RTRAF: variants seen among roughly 807,000 people sequenced by gnomAD.
RTRAF encodes the protein RNA transcription, translation and transport factor, also known as tRNA-splicing ligase complex subunit RTRAF.
A neutral mutation model predicts 34.4 loss-of-function variants in RTRAF; 14 were observed. That is an observed-to-expected ratio of 0.41 (90% CI 0.27 to 0.64). The LOEUF (loss-of-function observed/expected upper bound fraction) is 0.64, where lower values mean the gene tolerates loss of function less well. Among genes scored for constraint, RTRAF ranks in the 30% least tolerant of loss-of-function variants. RTRAF has a pLI of 0.34. For missense variants in RTRAF, 291 were observed against 288.4 expected (o/e 1.01, Z -0.06); for synonymous variants, 96 against 95.3 (o/e 1.01, Z -0.04).
chr14:52,007,774 A>G lies in RTRAF; in HGVS notation c.*3258A>G, dbSNP rs1191263251. The G allele has an allele frequency of 4.5e-6, 7 of 1,560,880 alleles. No individual in the cohort carries two copies. Among genetic ancestry groups the G allele is most frequent in the Non-Finnish European group, 6.2e-6 (7 of 1,136,114 alleles). On this transcript the variant is annotated 3_prime_UTR_variant, in exon 8 of 8. Transcript: ENST00000261700. ...GTTAGTGCTCACATTCACTGTGATG[A>G]GAGGTTATCTATTTGCATTCCATCA... is the stretch of plus-strand genomic sequence containing the variant.
chr14:52,010,654 G>A lies in RTRAF; in HGVS notation c.*6138G>A. 2.0e-6 allele frequency: 1 copy of A among 500,012 alleles called. No homozygotes were observed. The highest frequency in any genetic ancestry group is 3.2e-5 in the East Asian group (1 of 31,086). The allele number at this position is 500,012 out of a possible 1,614,324, so 31.0% of individuals were successfully genotyped here. A position where few individuals can be genotyped will look rare whatever the true frequency, so the allele number is the denominator to read the frequency against. On this transcript the variant is annotated 3_prime_UTR_variant, in exon 8 of 8. Coordinates refer to ENST00000261700, the MANE Select transcript of RTRAF (RefSeq NM_016039.3). ...TCACAGACTAATATTGTTTATACCA[G>A]TCTTGTTTCCTCCTAATAAAATATA...
chr14:51,993,173 T>C (rs989537923), intron 2 of RTRAF, among the ~76,000 whole-genome samples: 10 of 152,158 alleles, frequency 6.6e-5, no homozygotes, highest in African/African-American at 2.2e-4. Context: ...GTTGATTTTA[T>C]TATAATCTTA....
chr14:51,991,499 A>G, intron 2 of RTRAF, 58 bp downstream of exon 2: 2 of 1,526,266 alleles, frequency 1.3e-6, no homozygotes, highest in Admixed American at 1.9e-5. Context: ...AATCATGAAG[A>G]TGAGCTTAAA....
chr14:52,006,815 A>G lies in RTRAF; in HGVS notation c.*2299A>G, dbSNP rs572450439. Reference sequence around the variant, plus strand: ...CAACTGTAAAATTACCTGTCCTATTACTAGTCTCCAGTTTTTAGTAGAGAT... The same window carrying G: ...CAACTGTAAAATTACCTGTCCTATTGCTAGTCTCCAGTTTTTAGTAGAGAT... On this transcript the variant is annotated 3_prime_UTR_variant, in exon 8 of 8. Transcript: ENST00000261700. 3.0e-5 allele frequency: 20 copies of G among 667,590 alleles called. No individual in the cohort carries two copies. Among genetic ancestry groups the G allele is most frequent in the Admixed American group, 1.9e-4 (6 of 30,938 alleles). 41.4% of individuals were successfully genotyped at this position (667,590 alleles called of 1,614,324 possible). A position where few individuals can be genotyped will look rare whatever the true frequency, so the allele number is the denominator to read the frequency against.
chr14:52,004,571 T>C lies in RTRAF; in HGVS notation c.*55T>C. On this transcript the variant is annotated 3_prime_UTR_variant, in exon 8 of 8. Coordinates refer to ENST00000261700, the MANE Select transcript of RTRAF (RefSeq NM_016039.3). The stretch of plus-strand genomic sequence containing the variant: ...TTAGTACAGTTGGGAACCATACACT[T>C]CTGGCATGTTTGGAAATCAAAATGT... 1 of 1,493,716 alleles carries C rather than the reference T, an allele frequency of 6.7e-7. No individual in the cohort carries two copies. The highest frequency in any genetic ancestry group is 9.0e-7 in the Non-Finnish European group (1 of 1,112,286). The allele number at this position is 1,493,716 out of a possible 1,614,324, so 92.5% of individuals were successfully genotyped here.
chr14:52,003,594 G>T (rs1347104848), intron 6 of RTRAF, among the ~76,000 whole-genome samples: 3 of 152,116 alleles, frequency 2.0e-5, no homozygotes, highest in Non-Finnish European at 4.4e-5. Flanking sequence ...GTGAAGTTTG[G>T]CATCACCATA....
intron 5 of RTRAF, among the ~76,000 whole-genome samples, chr14:52,001,307 G>A (rs571227650): frequency 3.9e-5 from 6 of 152,158 alleles, no homozygotes; most frequent in East Asian, 3.9e-4. Context: ...AACCACCAAC[G>A]GTGTCCTTTG....
Position 52,004,412 on chromosome 14 carries a change from G to C in RTRAF, c.631G>C (p.Glu211Gln), listed in dbSNP as rs749906794. 25 of 1,613,770 alleles carry C rather than the reference G, an allele frequency of 1.5e-5. No individual in the cohort carries two copies. The highest frequency in any genetic ancestry group is 2.1e-5 in the Non-Finnish European group (25 of 1,179,850). ...AQILRLLHIE[E>Q]LRELQTKINE... ...AATTCTGCGATTGCTGCACATAGAG[G>C]AGCTCAGAGAGCTACAGACAAAAAT... is the stretch of plus-strand genomic sequence containing the variant. The change falls in exon 8 of 8, where the codon GAG becomes CAG. Residue 211 changes from glutamate (E) to glutamine (Q), a missense_variant. By Grantham distance (29) the Glu-to-Gln change is conservative (BLOSUM62 2). Coordinates refer to ENST00000261700, the MANE Select transcript of RTRAF (RefSeq NM_016039.3).
rs1030082332 is a variant in RTRAF at position 52,010,281 on chromosome 14, T to C, written c.*5765T>C. The stretch of plus-strand genomic sequence containing the variant: ...ATTTCGTAGAAACTCCACTTAAACA[T>C]GGCAAGAGTTTCTCAAGATATAAAA... On this transcript the variant is annotated 3_prime_UTR_variant, in exon 8 of 8. Transcript: ENST00000261700. 3.9e-5 allele frequency: 6 copies of C among 152,262 alleles called. No homozygotes were observed. Among genetic ancestry groups the C allele is most frequent in the African/African-American group, 1.2e-4 (5 of 41,474 alleles). 9.4% of individuals were successfully genotyped at this position (152,262 alleles called of 1,614,324 possible). A position where few individuals can be genotyped will look rare whatever the true frequency, so the allele number is the denominator to read the frequency against.
At chr14:51,999,874 G>A in intron 5 of RTRAF, 78 bp downstream of exon 5, 4 of 991,794 alleles carry the variant, frequency 4.0e-6, no homozygotes, top group Non-Finnish European at 6.1e-6. Context: ...ATTAACTATT[G>A]ATATTAAAAT....
chr14:52,004,125 A>G, intron 6 of RTRAF, 69 bp from the exon 7 acceptor site: 14 of 1,350,062 alleles, frequency 1.0e-5, no homozygotes, highest in Non-Finnish European at 1.5e-5. Flanking sequence ...GGTGCTTTTC[A>G]GTTTCAGTTG....
In RTRAF at chr14:52,004,523, G is replaced by C. The variant is rs937219522; in HGVS notation, c.*7G>C. ...GGGAAAAGTTGGAAGATGAACACTT[G>C]AGGACTTCAGCTTCTCACCTACTTA... is the stretch of plus-strand genomic sequence containing the variant. On this transcript the variant is annotated 3_prime_UTR_variant, in exon 8 of 8. Coordinates refer to ENST00000261700, the MANE Select transcript of RTRAF (RefSeq NM_016039.3). 10 of 1,609,310 alleles carry C rather than the reference G, an allele frequency of 6.2e-6. No homozygotes were observed. Among genetic ancestry groups the C allele is most frequent in the African/African-American group, 2.7e-5 (2 of 73,674 alleles).
Position 52,006,885 on chromosome 14 carries a change from A to G in RTRAF, c.*2369A>G. ...TTGGAAGACAGGATTGCATTTACTGAAATCTGGTAAGTTTCTGCCAAAGTA... is the reference window on the plus strand; with the variant it reads ...TTGGAAGACAGGATTGCATTTACTGGAATCTGGTAAGTTTCTGCCAAAGTA... On this transcript the variant is annotated 3_prime_UTR_variant, in exon 8 of 8. Transcript: ENST00000261700. The G allele has an allele frequency of 2.7e-6, 1 of 367,992 alleles. No individual in the cohort carries two copies. 22.8% of individuals were successfully genotyped at this position (367,992 alleles called of 1,614,324 possible).
intron 7 of RTRAF, 43 bp downstream of exon 7, chr14:52,004,285 TG>T: frequency 6.3e-7 from 1 of 1,590,008 alleles, no homozygotes; most frequent in Non-Finnish European, 8.5e-7. Flanking sequence ...TTTTACAGAC[TG>T]AATACTTGGG....
Position 52,009,092 on chromosome 14 carries a change from CT to C in RTRAF, c.*4577del, listed in dbSNP as rs1469828067. 1.3e-5 allele frequency: 2 copies of C among 152,094 alleles called. No individual in the cohort carries two copies. The highest frequency in any genetic ancestry group is 4.8e-5 in the African/African-American group (2 of 41,408). The allele number at this position is 152,094 out of a possible 1,614,324, so 9.4% of individuals were successfully genotyped here. On this transcript the variant is annotated 3_prime_UTR_variant, in exon 8 of 8. Coordinates refer to ENST00000261700, the MANE Select transcript of RTRAF (RefSeq NM_016039.3). ...ATAAATCAGTTGGGCTACAGAGAAC[CT>C]CAGTGAGAGGAGAGGAAGAAACCAT...
chr14:51,993,836 G>C lies in RTRAF; in HGVS notation c.286+14G>C. On this transcript the variant is annotated intron_variant, in intron 3 of 7. Transcript: ENST00000261700. The stretch of plus-strand genomic sequence containing the variant: ...ATGGAGATAATGGTACGTTTTGTGG[G>C]GAATGTGTATTTTAAAGAGAGAGGA... The C allele has an allele frequency of 6.9e-7, 1 of 1,449,208 alleles. No homozygotes were observed. The highest frequency in any genetic ancestry group is 1.2e-5 in the South Asian group (1 of 81,768). 89.8% of individuals were successfully genotyped at this position (1,449,208 alleles called of 1,614,324 possible).
Position 52,006,397 on chromosome 14 carries a change from T to C in RTRAF, c.*1881T>C. Reference sequence around the variant, plus strand: ...TGAAAAACATCCTTGAAGGATCTTATCTGCCAATGAGGAGGTGATGAAACA... The same window carrying C: ...TGAAAAACATCCTTGAAGGATCTTACCTGCCAATGAGGAGGTGATGAAACA... On this transcript the variant is annotated 3_prime_UTR_variant, in exon 8 of 8. Coordinates refer to ENST00000261700, the MANE Select transcript of RTRAF (RefSeq NM_016039.3). 3 of 837,810 alleles carry C rather than the reference T, an allele frequency of 3.6e-6. No individual in the cohort carries two copies. The highest frequency in any genetic ancestry group is 5.7e-6 in the Non-Finnish European group (3 of 527,214). The allele number at this position is 837,810 out of a possible 1,614,324, so 51.9% of individuals were successfully genotyped here.
In RTRAF at chr14:52,009,277, C is replaced by T. The variant is rs574087771; in HGVS notation, c.*4761C>T. The T allele has an allele frequency of 1.2e-4, 19 of 152,268 alleles. No individual in the cohort carries two copies. The highest frequency in any genetic ancestry group is 4.6e-4 in the African/African-American group (19 of 41,554). The allele number at this position is 152,268 out of a possible 1,614,324, so 9.4% of individuals were successfully genotyped here. ...TTGCTTCATCGCTTCTGATCAGTCTCCTCCCCAAAATGATTTAATATCATC... is the reference window on the plus strand; with the variant it reads ...TTGCTTCATCGCTTCTGATCAGTCTTCTCCCCAAAATGATTTAATATCATC... On this transcript the variant is annotated 3_prime_UTR_variant, in exon 8 of 8. Transcript: ENST00000261700.
At chr14:52,002,185 T>G (rs567125956) in intron 6 of RTRAF, among the ~76,000 whole-genome samples, 1 of 152,358 alleles carries the variant, frequency 6.6e-6, no homozygotes, top group South Asian at 2.1e-4. Context: ...ACTTACTGGA[T>G]TATTTTGACT....
Sources: allele counts gnomAD v4.1 joint callset (sites outside exome capture counted in the v4.1 genomes callset), GRCh38; gene constraint gnomAD v4.1.1; transcripts MANE v1.5; gene names NCBI Gene and HGNC (gene_info 2026-07-23, HGNC 2026-07-21).